NFIB: variants seen among roughly 807,000 people sequenced by gnomAD.
NFIB encodes nuclear factor 1 B-type.
NFIB carries 11 observed loss-of-function variants against 61.5 expected under a neutral mutation model. That is an observed-to-expected ratio of 0.18 (90% confidence interval 0.11 to 0.30). The LOEUF is 0.30. Ranked by LOEUF, NFIB falls within the 10% of genes least tolerant of loss-of-function variation. NFIB has a pLI of 1.00. For synonymous variants in NFIB, 260 were observed against 216.5 expected, an observed-to-expected ratio of 1.20 and a Z score of -1.76; for missense variants, 471 against 608.9, an observed-to-expected ratio of 0.77 and a Z score of 2.38.
In NFIB at chr9:14,396,320, G is replaced by C. The variant is rs563198797; in HGVS notation, c.108+2204C>G. On this transcript the variant is annotated intron_variant, in intron 1 of 8. Coordinates refer to the NFIB transcript ENST00000380934. ...AAAGAGGCTTAATGTTAAATTATGA[G>C]ATCCCAGCTATTGTGGAAACCAAGA... 2.0e-5 allele frequency among the ~76,000 whole-genome samples: 3 copies of C among 151,982 alleles called. No homozygotes were observed. The South Asian group carries it at 6.2e-4, about 32-fold the overall frequency.
At chr9:14,105,898 T>C (rs1042626633) in intron 10 of NFIB, among the ~76,000 whole-genome samples, 1 of 152,124 alleles carries the variant, frequency 6.6e-6, no homozygotes, top group African/African-American at 2.4e-5. Flanking sequence ...TAGGTGATAA[T>C]CTTTTTTGAG....
intron 2 of NFIB, among the ~76,000 whole-genome samples, chr9:14,272,157 CG>C (rs1304228752): frequency 6.6e-6 from 1 of 152,094 alleles, no homozygotes; most frequent in Non-Finnish European, 1.5e-5. Flanking sequence ...TTCCATTATA[CG>C]TTTTGAACAA....
the NFIB span, among the ~76,000 whole-genome samples, chr9:14,466,719 A>G: frequency 9.2e-5 from 14 of 151,800 alleles, no homozygotes; most frequent in Admixed American, 6.6e-4. Context: ...CTCCCTCTCT[A>G]TTCTTCTTTA....
the NFIB span, among the ~76,000 whole-genome samples, chr9:14,437,974 G>T: frequency 1.2e-4 from 19 of 152,112 alleles, no homozygotes; most frequent in South Asian, 3.9e-3. Context: ...CCTGCCTCTT[G>T]TTTCTTGGGT....
chr9:14,224,962 T>C (rs2131865962), intron 2 of NFIB, among the ~76,000 whole-genome samples: 1 of 152,304 alleles, frequency 6.6e-6, no homozygotes, highest in South Asian at 2.1e-4. Flanking sequence ...TTAGCGAATT[T>C]CCAGTATACA....
At chr9:14,480,125 G>T in the NFIB span, among the ~76,000 whole-genome samples, 5 of 151,816 alleles carry the variant, frequency 3.3e-5, no homozygotes, top group African/African-American at 4.8e-5. Flanking sequence ...TATTTTATAA[G>T]TCAGGCCCTC....
the NFIB span, among the ~76,000 whole-genome samples, chr9:14,437,698 C>G: frequency 1.9e-3 from 286 of 152,276 alleles, no homozygotes; most frequent in African/African-American, 6.5e-3. Flanking sequence ...AGGGGGTCCC[C>G]CACCTCCCCA....
intron 10 of NFIB, chr9:14,102,431 G>A (rs1158091564): frequency 9.0e-6 from 14 of 1,549,760 alleles, no homozygotes; most frequent in Non-Finnish European, 1.7e-6. Context: ...CCTTTGCCAA[G>A]TAATTCCCAA....
chr9:14,096,693 G>A (rs1415957907), intron 10 of NFIB: 1 of 152,182 alleles, frequency 6.6e-6, no homozygotes, highest in African/African-American at 2.4e-5. Flanking sequence ...GGCTTGAGAC[G>A]TGACCACAGC....
the NFIB span, among the ~76,000 whole-genome samples, chr9:14,460,712 T>A: frequency 8.5e-5 from 13 of 152,278 alleles, no homozygotes; most frequent in East Asian, 2.5e-3. Flanking sequence ...ATTTCCTACA[T>A]TGAAATTAGA....
chr9:14,190,038 A>G (rs1031860614), intron 2 of NFIB, among the ~76,000 whole-genome samples: 1 of 152,080 alleles, frequency 6.6e-6, no homozygotes, highest in East Asian at 1.9e-4. Context: ...TTTCATAGGC[A>G]TATGTTCCTA....
the NFIB span, among the ~76,000 whole-genome samples, chr9:14,497,377 G>C: frequency 6.6e-6 from 1 of 152,174 alleles, no homozygotes; most frequent in African/African-American, 2.4e-5. Context: ...TTTGTCCAAG[G>C]CAGTCTTCGT....
the NFIB span, among the ~76,000 whole-genome samples, chr9:14,411,853 T>C: frequency 1.3e-5 from 2 of 152,146 alleles, no homozygotes; most frequent in Admixed American, 6.5e-5. Context: ...TAAAAAACAC[T>C]GTGGTTTCTG....
At chr9:14,230,344 A>G (rs1033980125) in intron 2 of NFIB, among the ~76,000 whole-genome samples, 1 of 152,176 alleles carries the variant, frequency 6.6e-6, no homozygotes, top group Non-Finnish European at 1.5e-5. Context: ...CTATATGACT[A>G]TTTCCAATGG....
At chr9:14,148,139 T>C (rs1364719358) in intron 5 of NFIB, among the ~76,000 whole-genome samples, 1 of 152,198 alleles carries the variant, frequency 6.6e-6, no homozygotes, top group African/African-American at 2.4e-5. Flanking sequence ...TTGTTTGTTT[T>C]TGAGACAGGG....
chr9:14,143,991 A>AGTGT (rs141101627), intron 6 of NFIB, among the ~76,000 whole-genome samples: 10,873 of 134,068 alleles, frequency 0.081, 485 homozygotes, highest in Middle Eastern at 0.1. Flanking sequence ...AAAGTGACAG[A>AGTGT]GTGTGTGTGT....
intron 7 of NFIB, 102 bp downstream of exon 7, chr9:14,125,530 A>T: frequency 2.0e-6 from 3 of 1,469,762 alleles, no homozygotes; most frequent in South Asian, 2.7e-5. Flanking sequence ...TTGAGAAAAT[A>T]TGGTTGCCAT....
At chr9:14,350,003 C>CT (rs1050701241) in intron 1 of NFIB, among the ~76,000 whole-genome samples, 5 of 152,180 alleles carry the variant, frequency 3.3e-5, no homozygotes, top group Non-Finnish European at 5.9e-5. Flanking sequence ...CTCTCCCTGC[C>CT]TGGAAAAACT....
At chr9:14,430,622 C>G in the NFIB span, among the ~76,000 whole-genome samples, 1 of 152,174 alleles carries the variant, frequency 6.6e-6, no homozygotes, top group African/African-American at 2.4e-5. Context: ...CATCCTGTCA[C>G]CCAGGCTGGA....
Sources: allele counts gnomAD v4.1 joint callset (sites outside exome capture counted in the v4.1 genomes callset), GRCh38; gene constraint gnomAD v4.1.1; transcripts MANE v1.5; gene names NCBI Gene and HGNC (gene_info 2026-07-23, HGNC 2026-07-21).